The following DIP2B variants were observed in gnomAD, a reference collection of about 807,000 sequenced individuals.
DIP2B encodes DIP2 acetate--CoA ligase B (putative), also known as disco-interacting protein 2 homolog B.
DIP2B carries 76 observed loss-of-function variants against 198.0 expected under a neutral mutation model. That is an observed-to-expected ratio of 0.38 (90% confidence interval 0.32 to 0.46). DIP2B has a LOEUF of 0.46. DIP2B is among the 20% of genes least tolerant of loss of function. The pLI, the probability that DIP2B is intolerant of heterozygous loss-of-function variation, is 0.99. For missense variants in DIP2B, 1,559 were observed against 1,978.4 expected, an observed-to-expected ratio of 0.79 and a Z score of 4.02; for synonymous variants, 701 against 739.1, an observed-to-expected ratio of 0.95 and a Z score of 0.84.
intron 1 of DIP2B, among the ~76,000 whole-genome samples, chr12:50,582,991 T>C (rs1463850848): frequency 1.3e-5 from 2 of 152,176 alleles, no homozygotes; most frequent in Non-Finnish European, 2.9e-5. Context: ...AAAGATGATG[T>C]TACAAATCTA....
chr12:50,544,426 C>T (rs898571324), intron 1 of DIP2B, among the ~76,000 whole-genome samples: 5 of 152,078 alleles, frequency 3.3e-5, no homozygotes, highest in Non-Finnish European at 7.4e-5. Flanking sequence ...CCCGCGTCAG[C>T]CACCCAAATA....
chr12:50,676,787 A>G lies in DIP2B; in HGVS notation c.916+1339A>G, dbSNP rs145162836. On this transcript the variant is annotated intron_variant, in intron 7 of 37. Transcript: ENST00000301180. ...TGGCGATAATGTCAGCTTTCATGGC[A>G]GGAAACAATGCCTACTATATACATA... 2.6e-3 allele frequency among the ~76,000 whole-genome samples: 393 copies of G among 152,378 alleles called. 5 individuals carry two copies. The highest frequency in any genetic ancestry group is 9.0e-4 in the Non-Finnish European group (61 of 68,042).
chr12:50,734,647 A>G (rs1348328659), intron 33 of DIP2B, among the ~76,000 whole-genome samples: 2 of 152,190 alleles, frequency 1.3e-5, no homozygotes, highest in African/African-American at 4.8e-5. Flanking sequence ...CCAGGGCTCT[A>G]AGACTTCTCT....
At position 50,739,713 on chromosome 12, in the gene DIP2B, ATAAG is replaced by A. The variant is rs1940206350; in HGVS notation, c.4354+129_4354+132del. ...ACTCCCTTCGGTGACTCTTAAACCCATAAGTGACTCTCTCTTCATTTGGAGTCAT... is the reference window on the plus strand; with the variant it reads ...ACTCCCTTCGGTGACTCTTAAACCCATGACTCTCTCTTCATTTGGAGTCAT... On this transcript the variant is annotated intron_variant, in intron 36 of 37. Transcript: ENST00000301180. 7.0e-6 allele frequency: 8 copies of A among 1,137,158 alleles called. No individual in the cohort carries two copies. In the South Asian group the frequency reaches 1.2e-4, roughly 17 times the overall value. The allele number at this position is 1,137,158 out of a possible 1,614,324, so 70.4% of individuals were successfully genotyped here.
At chr12:50,626,738 G>T (rs568081314) in intron 2 of DIP2B, among the ~76,000 whole-genome samples, 3 of 146,228 alleles carry the variant, frequency 2.1e-5, no homozygotes, top group East Asian at 4.0e-4. Flanking sequence ...CAACCAAAGT[G>T]TGTTTCTGCA....
intron 23 of DIP2B, among the ~76,000 whole-genome samples, chr12:50,718,169 A>G (rs187778098): frequency 3.3e-5 from 5 of 152,314 alleles, no homozygotes; most frequent in Admixed American, 3.3e-4. Context: ...AAGTGCTGGG[A>G]TTACAGGCGT....
intron 1 of DIP2B, among the ~76,000 whole-genome samples, chr12:50,522,983 TTCC>T (rs1565811961): frequency 6.6e-6 from 1 of 152,192 alleles, no homozygotes; most frequent in Non-Finnish European, 1.5e-5. Flanking sequence ...TATAAAATAT[TTCC>T]TGGAATATAT....
chr12:50,674,561 C>A lies in DIP2B; in HGVS notation c.728C>A (p.Pro243His), dbSNP rs1938911843. Residue 243 changes from proline to histidine, a missense_variant, in exon 6 of 38, where the codon CCC becomes CAC. Transcript: ENST00000301180. ...ATTCGCCCAGCAAACATTGACCTGC[C>A]CCCCTCGGGGATAGTTAAAGGCATG... is the stretch of plus-strand genomic sequence containing the variant. ...SSIRPANIDL[P>H]PSGIVKGMHK... is the part of the protein sequence containing the mutation. 6.2e-7 allele frequency: 1 copy of A among 1,614,222 alleles called. No homozygotes were observed. The highest frequency in any genetic ancestry group is 1.1e-5 in the South Asian group (1 of 91,084).
At chr12:50,662,735 A>G (rs552220508) in intron 4 of DIP2B, among the ~76,000 whole-genome samples, 1 of 152,332 alleles carries the variant, frequency 6.6e-6, no homozygotes, top group Non-Finnish European at 1.5e-5. Context: ...GCTGTGTTCA[A>G]GGGAAGGGAG....
At chr12:50,694,883 C>G (rs1395479860) in intron 14 of DIP2B, among the ~76,000 whole-genome samples, 2 of 150,418 alleles carry the variant, frequency 1.3e-5, no homozygotes, top group East Asian at 3.9e-4. Context: ...ATCTCTTATA[C>G]TGATATGCAT....
chr12:50,664,402 G>T (rs1217672853), intron 4 of DIP2B, among the ~76,000 whole-genome samples: 1 of 152,100 alleles, frequency 6.6e-6, no homozygotes, highest in Non-Finnish European at 1.5e-5. Flanking sequence ...TCTCTAAATT[G>T]GTAGCAATCT....
chr12:50,598,329 A>C (rs1284412768), intron 1 of DIP2B, among the ~76,000 whole-genome samples: 2 of 152,116 alleles, frequency 1.3e-5, no homozygotes, highest in Non-Finnish European at 2.9e-5. Flanking sequence ...AAGTAGTTTT[A>C]ATTCTAGACT....
chr12:50,534,752 G>A (rs965055509), intron 1 of DIP2B, among the ~76,000 whole-genome samples: 2 of 152,154 alleles, frequency 1.3e-5, no homozygotes, highest in Non-Finnish European at 2.9e-5. Flanking sequence ...AAGATTGTGG[G>A]TTTGGGTTTC....
intron 1 of DIP2B, among the ~76,000 whole-genome samples, chr12:50,608,550 T>C (rs1174204101): frequency 1.3e-5 from 2 of 149,484 alleles, no homozygotes; most frequent in Non-Finnish European, 3.0e-5. Context: ...TGCTTGAACC[T>C]GGGAGGCAGA....
chr12:50,601,995 T>C (rs1277169403), intron 1 of DIP2B, among the ~76,000 whole-genome samples: 3 of 152,176 alleles, frequency 2.0e-5, no homozygotes, highest in Non-Finnish European at 4.4e-5. Context: ...AGAGCAAAAA[T>C]TCTTTCTCAT....
intron 1 of DIP2B, among the ~76,000 whole-genome samples, chr12:50,531,025 A>C (rs1021336245): frequency 2.0e-5 from 3 of 152,192 alleles, no homozygotes; most frequent in Non-Finnish European, 4.4e-5. Context: ...AGCAGTGGGC[A>C]TGATTGAGAT....
At chr12:50,568,491 G>C (rs867143023) in intron 1 of DIP2B, among the ~76,000 whole-genome samples, 9 of 152,172 alleles carry the variant, frequency 5.9e-5, no homozygotes, top group Non-Finnish European at 8.8e-5. Flanking sequence ...CAGTATACGG[G>C]AATTTCTGTC....
At chr12:50,627,372 C>T (rs533067904) in intron 2 of DIP2B, among the ~76,000 whole-genome samples, 6 of 152,130 alleles carry the variant, frequency 3.9e-5, no homozygotes, top group African/African-American at 1.4e-4. Context: ...CTTGCTCTGT[C>T]ACCCAGGCGG....
chr12:50,550,256 G>T (rs1173915874), intron 1 of DIP2B, among the ~76,000 whole-genome samples: 1 of 152,118 alleles, frequency 6.6e-6, no homozygotes, highest in Non-Finnish European at 1.5e-5. Flanking sequence ...CAGTGTACTC[G>T]TGGGGCCAGC....
Sources: allele counts gnomAD v4.1 joint callset (sites outside exome capture counted in the v4.1 genomes callset), GRCh38; gene constraint gnomAD v4.1.1; transcripts MANE v1.5; gene names NCBI Gene and HGNC (gene_info 2026-07-23, HGNC 2026-07-21).